Variants in ITPR1 observed in about 807,000 individuals in gnomAD.
ITPR1 encodes inositol 1,4,5-trisphosphate-gated calcium channel ITPR1.
Under a neutral mutation model 318.4 loss-of-function variants are expected in ITPR1, and 96 were observed. The ratio of observed to expected loss-of-function variants is 0.30; its 90% CI spans 0.26 to 0.36. The LOEUF is 0.36. Among genes scored for constraint, ITPR1 ranks in the 10% least tolerant of loss-of-function variants. ITPR1 has a pLI of 1.00. For synonymous variants in ITPR1, 1,312 were observed against 1,289.9 expected (o/e 1.02, Z -0.37); for missense variants, 2,440 against 3,460.2 (o/e 0.71, Z 7.40).
chr3:4,516,397 A>G (rs1575380756), intron 2 of ITPR1, 79 bp from the exon 3 acceptor site: 1 of 742,082 alleles, frequency 1.3e-6, no homozygotes, highest in East Asian at 2.9e-5. Flanking sequence ...AAATTGAGCT[A>G]AGCCAACTCT....
At chr3:4,764,036 G>A (rs767226327) in intron 44 of ITPR1, among the ~76,000 whole-genome samples, 7 of 152,232 alleles carry the variant, frequency 4.6e-5, no homozygotes, top group Non-Finnish European at 1.0e-4. Context: ...GGCCCTGCAC[G>A]GCCACCTTCT....
intron 4 of ITPR1, among the ~76,000 whole-genome samples, chr3:4,560,096 G>A (rs2086525860): frequency 1.3e-5 from 2 of 152,118 alleles, no homozygotes; most frequent in African/African-American, 2.4e-5. Context: ...AGATTAAATG[G>A]TTTCCTATTT....
At chr3:4,760,307 G>A (rs1334062365) in intron 44 of ITPR1, among the ~76,000 whole-genome samples, 2 of 152,278 alleles carry the variant, frequency 1.3e-5, no homozygotes, top group East Asian at 1.9e-4. Context: ...GGAGAGGTCG[G>A]CCTGGCGGGG....
intron 12 of ITPR1, among the ~76,000 whole-genome samples, chr3:4,656,742 G>T (rs886393753): frequency 2.0e-5 from 3 of 152,126 alleles, no homozygotes; most frequent in Non-Finnish European, 4.4e-5. Context: ...TCCTGGTGAA[G>T]TCTCCTTCCT....
At chr3:4,645,357 G>A (rs144540734) in intron 8 of ITPR1, 30 bp from the exon 9 acceptor site, 17 of 1,501,230 alleles carry the variant, frequency 1.1e-5, no homozygotes, top group African/African-American at 8.2e-5. Flanking sequence ...TGAGGGGTAC[G>A]TGAAAAAATA....
At chr3:4,812,971 C>A (rs1575346692) in intron 56 of ITPR1, 171 bp from the exon 57 acceptor site, 1 of 627,118 alleles carries the variant, frequency 1.6e-6, no homozygotes, top group Non-Finnish European at 2.8e-6. Context: ...TTTTTCCCAT[C>A]CAGATCACCA....
intron 4 of ITPR1, among the ~76,000 whole-genome samples, chr3:4,607,499 G>A (rs1337241928): frequency 6.6e-6 from 1 of 152,162 alleles, no homozygotes; most frequent in African/African-American, 2.4e-5. Context: ...AAATGGGGCC[G>A]ATTGATCAAG....
chr3:4,520,966 A>G (rs918522905), intron 3 of ITPR1, 58 bp from the exon 4 acceptor site: 3 of 1,274,896 alleles, frequency 2.4e-6, no homozygotes, highest in Non-Finnish European at 3.4e-6. Flanking sequence ...ATTTTTGCAT[A>G]GTGCTAAGAG....
At chr3:4,829,954 G>GTTTTTT (rs35099159) in intron 60 of ITPR1, among the ~76,000 whole-genome samples, 8 of 27,100 alleles carry the variant, frequency 3.0e-4, no homozygotes, top group African/African-American at 6.9e-4. Flanking sequence ...ATGTATAACA[G>GTTTTTT]TTTTTTTTTT....
chr3:4,605,251 C>G (rs111766469), intron 4 of ITPR1, among the ~76,000 whole-genome samples: 2,396 of 152,164 alleles, frequency 0.016, 78 homozygotes, highest in African/African-American at 0.054. Flanking sequence ...CCTGCCCGGC[C>G]CTATAGTTTT....
intron 4 of ITPR1, among the ~76,000 whole-genome samples, chr3:4,611,465 C>T (rs1359649678): frequency 6.6e-6 from 1 of 151,682 alleles, no homozygotes; most frequent in Non-Finnish European, 1.5e-5. Context: ...GAGGCTGAGG[C>T]AGGAGAATGG....
chr3:4,783,466 C>T (rs968946019), intron 50 of ITPR1, among the ~76,000 whole-genome samples: 2 of 152,176 alleles, frequency 1.3e-5, no homozygotes, highest in Non-Finnish European at 2.9e-5. Flanking sequence ...AGTCTCCTGC[C>T]TCTTTTCCCT....
intron 4 of ITPR1, among the ~76,000 whole-genome samples, chr3:4,543,144 C>T (rs993881927): frequency 6.6e-6 from 1 of 151,964 alleles, no homozygotes; most frequent in Non-Finnish European, 1.5e-5. Context: ...GTGGCTCACA[C>T]CTATAGTTTC....
intron 38 of ITPR1, chr3:4,711,519 T>G: frequency 2.1e-6 from 1 of 467,406 alleles, no homozygotes; most frequent in Non-Finnish European, 3.9e-6. Flanking sequence ...CTCCATTGTA[T>G]GTGGCTGACT....
chr3:4,589,321 G>A (rs772765232), intron 4 of ITPR1, among the ~76,000 whole-genome samples: 1 of 152,138 alleles, frequency 6.6e-6, no homozygotes, highest in Non-Finnish European at 1.5e-5. Flanking sequence ...ACAAATGGTG[G>A]TTGAGGCCCA....
chr3:4,705,495 C>T lies in ITPR1; in HGVS notation c.4658-672C>T, dbSNP rs923929396. ...AGGATTTGGTCCAGGTACCACCTTG[C>T]ATTTGGTTGTCATGTCTCTCCAGTC... On this transcript the variant is annotated intron_variant, in intron 36 of 61. Transcript: ENST00000649015. Among the ~76,000 whole-genome samples, 4 of 152,306 alleles carry T rather than the reference C, an allele frequency of 2.6e-5. No homozygotes were observed. The South Asian group carries it at 8.3e-4, about 32-fold the overall frequency.
chr3:4,648,424 C>T (rs1339595245), intron 10 of ITPR1, among the ~76,000 whole-genome samples: 1 of 152,112 alleles, frequency 6.6e-6, no homozygotes, highest in Non-Finnish European at 1.5e-5. Context: ...AGAGTTTTTG[C>T]TTTAACATCT....
At chr3:4,764,578 A>T (rs894817128) in intron 44 of ITPR1, among the ~76,000 whole-genome samples, 1 of 152,210 alleles carries the variant, frequency 6.6e-6, no homozygotes, top group African/African-American at 2.4e-5. Context: ...AGAAGATGAA[A>T]CAAGGCATGG....
rs527372523 is a variant in ITPR1, at chr3:4,525,083, A to AT, written c.163+3999dup. On this transcript the variant is annotated intron_variant, in intron 4 of 61. Transcript: ENST00000649015. Reference sequence around the variant, plus strand: ...TTTATGAGAATAATTATATATTGTTATTTTTTTTTTGTCTTCAAATTGTTT... The same window carrying AT: ...TTTATGAGAATAATTATATATTGTTATTTTTTTTTTTGTCTTCAAATTGTTT... 8.0e-4 allele frequency among the ~76,000 whole-genome samples: 119 copies of AT among 148,986 alleles called. 2 individuals are homozygous for AT. The highest frequency in any genetic ancestry group is 5.6e-3 in the South Asian group (26 of 4,666).
Sources: gnomAD v4.1 joint callset for allele counts (sites outside exome capture counted in the v4.1 genomes callset) on GRCh38, gnomAD v4.1.1 for gene constraint, MANE v1.5 for transcripts, NCBI Gene and HGNC (gene_info 2026-07-23, HGNC 2026-07-21) for gene names.